TRAK1: variants seen among roughly 807,000 people sequenced by gnomAD.
The protein encoded by TRAK1 is trafficking kinesin protein 1.
In TRAK1, 33 loss-of-function variants were observed where a neutral mutation model predicts 92.1. The ratio of observed to expected loss-of-function variants is 0.36; its 90% CI spans 0.27 to 0.48. The LOEUF is 0.48. Among genes scored for constraint, TRAK1 ranks in the 20% least tolerant of loss-of-function variants. The pLI is 0.99. For synonymous variants in TRAK1, 521 were observed against 517.3 expected, an observed-to-expected ratio of 1.01 and a Z score of -0.10; for missense variants, 1,123 against 1,257.9, an observed-to-expected ratio of 0.89 and a Z score of 1.62.
intron 1 of TRAK1, among the ~76,000 whole-genome samples, chr3:42,063,822 A>G (rs1703556303): frequency 6.6e-6 from 1 of 152,174 alleles, no homozygotes; most frequent in Admixed American, 6.5e-5. Flanking sequence ...ATCCAGATGT[A>G]GAGTCTGTAA....
chr3:42,108,030 C>G (rs776655028), intron 1 of TRAK1, among the ~76,000 whole-genome samples: 4 of 151,974 alleles, frequency 2.6e-5, no homozygotes, highest in Admixed American at 6.6e-5. Context: ...GGCTCTCACA[C>G]CAGTGCTTTT....
At chr3:42,204,003 A>G (rs1365037705) in intron 13 of TRAK1, 1 of 985,658 alleles carries the variant, frequency 1.0e-6, no homozygotes, top group Admixed American at 6.2e-5. Flanking sequence ...ACAGTCTCCA[A>G]AGGAAGAGGG....
rs1419624080 is a variant in TRAK1, at chr3:42,013,876, C to A, written c.-760C>A. 2 of 150,516 alleles carry A rather than the reference C, an allele frequency of 1.3e-5. No homozygotes were observed. The highest frequency in any genetic ancestry group is 3.0e-5 in the Non-Finnish European group (2 of 67,422). The allele number at this position is 150,516 out of a possible 1,614,324, so 9.3% of individuals were successfully genotyped here. Reference sequence around the variant, plus strand: ...AGAGTCTCGAACGCCCCGACGACCCCCGCGTCTCGGAACCCCGGACTCCGA... The same window carrying A: ...AGAGTCTCGAACGCCCCGACGACCCACGCGTCTCGGAACCCCGGACTCCGA... On this transcript the variant is annotated 5_prime_UTR_variant, in exon 1 of 17. Coordinates refer to the TRAK1 transcript ENST00000487159. The surrounding 1 kb of genome is among the most constrained non-coding windows in gnomAD (Gnocchi z 5.1).
chr3:42,194,752 TA>T, intron 9 of TRAK1, 51 bp from the exon 10 acceptor site: 1 of 1,600,440 alleles, frequency 6.2e-7, no homozygotes, highest in Non-Finnish European at 8.5e-7. Context: ...CAGATGTGTG[TA>T]CACCTGGGTG....
chr3:42,041,104 C>T (rs754091848), intron 1 of TRAK1, among the ~76,000 whole-genome samples: 1 of 144,944 alleles, frequency 6.9e-6, no homozygotes, highest in South Asian at 2.3e-4. Flanking sequence ...TACATTTCCA[C>T]ATGAATTTTA....
intron 2 of TRAK1, among the ~76,000 whole-genome samples, chr3:42,159,745 T>C (rs9311303): frequency 0.79 from 120,005 of 152,116 alleles, 47,638 homozygotes; most frequent in East Asian, 0.99. Context: ...TGCTAGAAAT[T>C]AGAATGATCC....
intron 1 of TRAK1, among the ~76,000 whole-genome samples, chr3:42,023,940 G>A (rs1488832156): frequency 6.6e-6 from 1 of 151,666 alleles, no homozygotes; most frequent in African/African-American, 2.4e-5. Flanking sequence ...TTTTTAGTAG[G>A]GATGGGGTTT....
At chr3:42,055,469 C>G (rs139766365) in intron 1 of TRAK1, among the ~76,000 whole-genome samples, 2 of 152,226 alleles carry the variant, frequency 1.3e-5, no homozygotes, top group African/African-American at 4.8e-5. Flanking sequence ...CACAGCAAAT[C>G]TTATTTGTTG....
chr3:42,082,846 C>A (rs1704500292), upstream of TRAK1, among the ~76,000 whole-genome samples: 1 of 152,200 alleles, frequency 6.6e-6, no homozygotes, highest in Admixed American at 6.5e-5. Context: ...CATTTTAAAA[C>A]CTTTTCAAGA....
chr3:42,157,831 G>A (rs1430603746), intron 2 of TRAK1, among the ~76,000 whole-genome samples: 1 of 152,170 alleles, frequency 6.6e-6, no homozygotes, highest in Non-Finnish European at 1.5e-5. Context: ...AGATCTATGG[G>A]TTACAAAATA....
At chr3:42,152,382 G>A (rs1386497405) in intron 2 of TRAK1, among the ~76,000 whole-genome samples, 1 of 152,178 alleles carries the variant, frequency 6.6e-6, no homozygotes, top group East Asian at 1.9e-4. Context: ...CATACTCAAT[G>A]TTTACAGTTT....
chr3:42,153,333 G>T (rs1046659657), intron 2 of TRAK1, among the ~76,000 whole-genome samples: 5 of 152,074 alleles, frequency 3.3e-5, no homozygotes, highest in Non-Finnish European at 5.9e-5. Flanking sequence ...AGCCCAGGAG[G>T]GTGAGGGAAG....
chr3:42,104,698 A>G (rs1157736255), intron 1 of TRAK1, among the ~76,000 whole-genome samples: 1 of 152,222 alleles, frequency 6.6e-6, no homozygotes, highest in Non-Finnish European at 1.5e-5. Flanking sequence ...TCTGTACGTC[A>G]CCATCATCAA....
chr3:42,062,682 C>G (rs1703498965), intron 1 of TRAK1, among the ~76,000 whole-genome samples: 1 of 152,190 alleles, frequency 6.6e-6, no homozygotes, highest in Non-Finnish European at 1.5e-5. Flanking sequence ...AAGTATTATG[C>G]TGTTGAGAAA....
At chr3:42,180,415 T>G (rs536390847) in intron 3 of TRAK1, among the ~76,000 whole-genome samples, 10 of 152,200 alleles carry the variant, frequency 6.6e-5, no homozygotes, top group Admixed American at 2.0e-4. Flanking sequence ...GGAGGATTGC[T>G]TGAGGCCAGA....
chr3:42,017,350 A>G (rs183968922), intron 1 of TRAK1, among the ~76,000 whole-genome samples: 1 of 151,962 alleles, frequency 6.6e-6, no homozygotes, highest in Admixed American at 6.6e-5. Context: ...GGGAAAGACA[A>G]GAGGATGTTC....
rs117877305 is a variant in TRAK1, at chr3:42,022,493, G to C, written c.-519+8376G>C. 8.2e-3 allele frequency among the ~76,000 whole-genome samples: 1,235 copies of C among 151,038 alleles called. 52 individuals carry two copies. In the East Asian group the frequency reaches 0.13, roughly 17 times the overall value. On this transcript the variant is annotated intron_variant, in intron 1 of 16. Coordinates refer to the TRAK1 transcript ENST00000487159. The stretch of plus-strand genomic sequence containing the variant: ...TGCCAGCACTTTGGGAGGCCAAGGC[G>C]GGTGGATTGCTTTAGCCCAAGAGTT...
At position 42,184,712 on chromosome 3, in the gene TRAK1, C is replaced by T. The variant is rs768807600; in HGVS notation, c.391C>T (p.Arg131Cys). ...AGAGCGGGATTTAGAATTGGCCGCT[C>T]GCATCGGCCAGTCGTTGTTGAAGAA... Reference protein sequence around the residue: ...EKERDLELAARIGQSLLKKNK... With the variant: ...EKERDLELAACIGQSLLKKNK... The change falls in exon 4 of 16, where the codon CGC becomes TGC. Residue 131 changes from arginine (R) to cysteine (C), a missense_variant. Arg to Cys is a radical substitution (Grantham distance 180, BLOSUM62 -3). Around this residue, in one of 3 missense-constraint regions of TRAK1, gnomAD observed 686 missense variants for 747.6 expected, o/e 0.92. Coordinates refer to ENST00000327628, the MANE Select transcript of TRAK1 (RefSeq NM_001042646.3). 9.9e-6 allele frequency: 16 copies of T among 1,614,024 alleles called. No homozygotes were observed. The highest frequency in any genetic ancestry group is 1.6e-4 in the Middle Eastern group (1 of 6,076).
intron 2 of TRAK1, chr3:42,146,303 G>C: frequency 3.3e-6 from 1 of 306,294 alleles, no homozygotes. Flanking sequence ...TCCAGAGTTC[G>C]TACTTGGTTT....
Sources: gnomAD v4.1 joint callset for allele counts (sites outside exome capture counted in the v4.1 genomes callset) on GRCh38, gnomAD v4.1.1 for gene constraint, gnomAD v4.1.1 regional missense constraint, Gnocchi (gnomAD v3.1) non-coding constraint, MANE v1.5 for transcripts, NCBI Gene and HGNC (gene_info 2026-07-23, HGNC 2026-07-21) for gene names.